Variants in AVIL observed in about 807,000 individuals in gnomAD.
The protein encoded by AVIL is advillin.
A neutral mutation model predicts 109.9 loss-of-function variants in AVIL; 78 were observed. The observed-to-expected ratio is 0.71, with a 90% CI of 0.59 to 0.86. The LOEUF (loss-of-function observed/expected upper bound fraction) is 0.86. Among genes scored for constraint, AVIL ranks in the 40% least tolerant of loss-of-function variants. AVIL has a pLI of 0.00. For synonymous variants in AVIL, 367 were observed against 379.1 expected, an observed-to-expected ratio of 0.97 and a Z score of 0.37; for missense variants, 892 against 1,016.5, an observed-to-expected ratio of 0.88 and a Z score of 1.67.
chr12:57,800,043 T>C (rs1452769009), intron 18 of AVIL, 123 bp from the exon 19 acceptor site: 4 of 1,284,050 alleles, frequency 3.1e-6, no homozygotes, highest in Non-Finnish European at 4.3e-6. Context: ...TAATCATCTT[T>C]GATAACAATG....
At chr12:57,815,647 C>T in intron 2 of AVIL, 1 of 1,335,706 alleles carries the variant, frequency 7.5e-7, no homozygotes, top group African/African-American at 1.5e-5. Flanking sequence ...ATGGAAGCTG[C>T]CAGGAGTCTG....
intron 4 of AVIL, among the ~76,000 whole-genome samples, chr12:57,811,338 T>C (rs1956035694): frequency 6.6e-6 from 1 of 152,036 alleles, no homozygotes; most frequent in Non-Finnish European, 1.5e-5. Flanking sequence ...GAAATGACAT[T>C]TGAACTGAGA....
rs1223585880 is a variant in AVIL at position 57,809,651 on chromosome 12, C to T, written c.885G>A (p.Trp295Ter). 2 of 1,614,206 alleles carry T rather than the reference C, an allele frequency of 1.2e-6. No individual in the cohort carries two copies. The highest frequency in any genetic ancestry group is 2.2e-5 in the East Asian group (1 of 44,884). Residue 295 changes from tryptophan to a stop codon, truncating the protein, a stop_gained, in exon 9 of 20, where the codon TGG (tryptophan) becomes TGA (stop). Transcript: ENST00000549994. LOFTEE classifies it high-confidence loss of function. ...LDQSGTKIYV[W>*]KGKGATKAEK... ...CAGCCTTTGTGGCTCCTTTTCCTTT[C>T]CACACGTAGATTTTGGTTCCACTTT...
Position 57,801,136 on chromosome 12 carries a change from C to T in AVIL, c.2220+8G>A, listed in dbSNP as rs370110825. On this transcript the variant is annotated splice_region_variant and intron_variant, in intron 18 of 19. Coordinates refer to ENST00000549994, the MANE Select transcript of AVIL (RefSeq NM_006576.4). ...GGCTGGCTTCTCCCAAGAGCGAACC[C>T]GACTCACAGCAGTGATTCGCATGAT... 1.4e-5 allele frequency: 23 copies of T among 1,612,912 alleles called. No homozygotes were observed. Among genetic ancestry groups the T allele is most frequent in the Admixed American group, 6.7e-5 (4 of 59,940 alleles).
intron 17 of AVIL, 92 bp downstream of exon 17, chr12:57,802,068 T>C: frequency 7.1e-7 from 1 of 1,417,586 alleles, no homozygotes; most frequent in Non-Finnish European, 9.7e-7. Flanking sequence ...CTGGTTTCAC[T>C]GAGCCGTGAA....
rs1956017464 is a variant in AVIL, at chr12:57,810,272, G to A, written c.761+77C>T. ...GGCTACACCCAAAACAAGGAGCCAAGCAGAGGTGGCTGGTGTTCTAGGGGA... is the reference window on the plus strand; with the variant it reads ...GGCTACACCCAAAACAAGGAGCCAAACAGAGGTGGCTGGTGTTCTAGGGGA... On this transcript the variant is annotated intron_variant, in intron 7 of 19. Coordinates refer to ENST00000549994, the MANE Select transcript of AVIL (RefSeq NM_006576.4). The A allele has an allele frequency of 3.4e-6, 5 of 1,489,864 alleles. No individual in the cohort carries two copies. The South Asian group carries it at 4.7e-5, about 14-fold the overall frequency. 92.3% of individuals were successfully genotyped at this position (1,489,864 alleles called of 1,614,324 possible).
At chr12:57,817,978 A>AGAT (rs1404465949) in intron 1 of AVIL, among the ~76,000 whole-genome samples, 1 of 152,068 alleles carries the variant, frequency 6.6e-6, no homozygotes, top group African/African-American at 2.4e-5. Flanking sequence ...TAATTCTCAG[A>AGAT]GATGCCCTTT....
At chr12:57,813,490 A>AG in intron 3 of AVIL, 67 bp from the exon 4 acceptor site, 2 of 1,473,668 alleles carry the variant, frequency 1.4e-6, no homozygotes, top group South Asian at 2.4e-5. Context: ...GGCCCCTGTT[A>AG]TGGGGAGAAT....
chr12:57,806,680 T>C (rs1955953074), intron 13 of AVIL, 141 bp from the exon 14 acceptor site: 11 of 852,050 alleles, frequency 1.3e-5, no homozygotes, highest in Non-Finnish European at 2.0e-5. Context: ...AGGGTCAGGG[T>C]AAGCTGGAGT....
intron 18 of AVIL, chr12:57,800,562 T>G (rs1595155115): frequency 6.5e-6 from 1 of 152,940 alleles, no homozygotes; most frequent in East Asian, 1.9e-4. Flanking sequence ...ATGACTTTAA[T>G]CTCTCCTTAA....
At chr12:57,808,693 T>C in intron 9 of AVIL, 145 bp from the exon 10 acceptor site, 1 of 1,003,148 alleles carries the variant, frequency 1.0e-6, no homozygotes, top group South Asian at 1.8e-5. Flanking sequence ...CACTTTTGTC[T>C]AAGGACCAAG....
Position 57,808,501 on chromosome 12 carries a change from G to C in AVIL, c.987C>G (p.Thr329=), listed in dbSNP as rs755525982. 1 of 1,614,086 alleles carries C rather than the reference G, an allele frequency of 6.2e-7. No homozygotes were observed. Among genetic ancestry groups the C allele is most frequent in the Non-Finnish European group, 8.5e-7 (1 of 1,180,034 alleles). ...TGGCCGACTCAGCACCATCGTTGAC[G>C]GTCTCCACATTGGTGCTGCTGGGGT... The part of the protein sequence containing the change: ...KSYPSSTNVE[T]VNDGAESAMF... Residue 329 remains threonine (T), a synonymous_variant, in exon 10 of 20, where the codon ACC becomes ACG. Coordinates refer to ENST00000549994, the MANE Select transcript of AVIL (RefSeq NM_006576.4).
At chr12:57,808,627 A>G (rs1955990821) in intron 9 of AVIL, 79 bp from the exon 10 acceptor site, 7 of 1,509,988 alleles carry the variant, frequency 4.6e-6, no homozygotes, top group Non-Finnish European at 4.5e-6. Context: ...ATTCACCTCT[A>G]TGAAGCCACA....
intron 10 of AVIL, 39 bp from the exon 11 acceptor site, chr12:57,808,333 A>C (rs747748520): frequency 1.9e-6 from 3 of 1,614,120 alleles, no homozygotes; most frequent in Non-Finnish European, 2.5e-6. Flanking sequence ...GTGAGTAAGA[A>C]GCATCTGTGC....
intron 3 of AVIL, 123 bp downstream of exon 3, chr12:57,814,029 C>T: frequency 9.7e-7 from 1 of 1,031,876 alleles, no homozygotes; most frequent in African/African-American, 1.6e-5. Context: ...CTGCATAGCA[C>T]TGAGGAACCA....
chr12:57,811,856 C>T (rs899207249), intron 4 of AVIL, among the ~76,000 whole-genome samples: 2 of 152,256 alleles, frequency 1.3e-5, no homozygotes, highest in African/African-American at 4.8e-5. Context: ...GGAACATTAT[C>T]ATCAGCCTTC....
chr12:57,808,196 C>T lies in AVIL; in HGVS notation c.1192G>A (p.Glu398Lys), dbSNP rs754322600. 17 of 1,614,050 alleles carry T rather than the reference C, an allele frequency of 1.1e-5. No homozygotes were observed. In the Admixed American group the frequency reaches 1.3e-4, roughly 13 times the overall value. Reference protein sequence around the residue: ...RMVDDGNGKVEVWRIENLELV... With the variant: ...RMVDDGNGKVKVWRIENLELV... The stretch of plus-strand genomic sequence containing the variant: ...GACATTTGAATCATTGGGCTTACCT[C>T]AACTTTTCCGTTGCCATCATCGACC... Residue 398 changes from glutamate to lysine, a missense_variant and splice_region_variant, in exon 11 of 20, where the codon GAG becomes AAG. Transcript: ENST00000549994.
chr12:57,807,677 A>G lies in AVIL; in HGVS notation c.1245T>C (p.Tyr415=), dbSNP rs979681927. 9 of 1,614,042 alleles carry G rather than the reference A, an allele frequency of 5.6e-6. No individual in the cohort carries two copies. The highest frequency in any genetic ancestry group is 5.3e-5 in the African/African-American group (4 of 74,944). ...AACAGTCTCCCCCATAAAAGAAGCC[A>G]TACCATTGATACTCCACAGGGACCA... ...LELVPVEYQW[Y]GFFYGGDCYL... The change falls in exon 12 of 20, where the codon TAT becomes TAC. Residue 415 remains tyrosine, a synonymous_variant. Coordinates refer to ENST00000549994, the MANE Select transcript of AVIL (RefSeq NM_006576.4).
At position 57,802,296 on chromosome 12, in the gene AVIL, A is replaced by G. The variant is rs1298673427; in HGVS notation, c.2015T>C (p.Leu672Pro). The change falls in exon 17 of 20, where the codon CTT (leucine) becomes CCT (proline). Residue 672 changes from leucine to proline, a missense_variant. Transcript: ENST00000549994. ...GTGCAGGTACTGCTGTGCTGTGGCA[A>G]GGGCACTCTCCTTCTCCGTGGCATT... ...EANATEKESA[L>P]ATAQQYLHTH... 6.2e-7 allele frequency: 1 copy of G among 1,614,074 alleles called. No individual in the cohort carries two copies. Among genetic ancestry groups the G allele is most frequent in the East Asian group, 2.2e-5 (1 of 44,892 alleles).
Sources: gnomAD v4.1 joint callset for allele counts (sites outside exome capture counted in the v4.1 genomes callset) on GRCh38, gnomAD v4.1.1 for gene constraint, MANE v1.5 for transcripts, NCBI Gene and HGNC (gene_info 2026-07-23, HGNC 2026-07-21) for gene names.